PCDHA6: variants seen among roughly 807,000 people sequenced by gnomAD.
PCDHA6 encodes the protein protocadherin alpha-6.
PCDHA6 carries 55 observed loss-of-function variants against 60.3 expected under a neutral mutation model. That is an observed-to-expected ratio of 0.91 (90% CI 0.73 to 1.14). PCDHA6 has a LOEUF of 1.14. PCDHA6 is among the 50% of genes most tolerant of loss of function. PCDHA6 has a pLI of 0.00. For missense variants in PCDHA6, 1,327 were observed against 1,256.5 expected (o/e 1.06, Z -0.85); for synonymous variants, 652 against 557.9 (o/e 1.17, Z -2.38).
chr5:141,009,736 G>T lies in PCDHA6; in HGVS notation c.2652G>T (p.Leu884Phe). 1 of 1,614,086 alleles carries T rather than the reference G, an allele frequency of 6.2e-7. No homozygotes were observed. Among genetic ancestry groups the T allele is most frequent in the East Asian group, 2.2e-5 (1 of 44,872 alleles). Residue 884 changes from leucine to phenylalanine, a missense_variant, in exon 4 of 4, where the codon TTG becomes TTT. Leu to Phe is a conservative substitution (Grantham distance 22). Transcript: ENST00000529310. ...GNPKQSGPGE[L>F]PDKFIIPGSP... ...CCAAACAATCCGGTCCCGGTGAGTT[G>T]CCCGACAAATTCATTATCCCAGGAT...
intron 1 of PCDHA6, among the ~76,000 whole-genome samples, chr5:140,948,600 A>G (rs1369107358): frequency 6.6e-6 from 1 of 151,576 alleles, no homozygotes; most frequent in African/African-American, 2.4e-5. Flanking sequence ...TCAATTTATC[A>G]TATTTTTGGC....
At chr5:140,968,341 C>T in intron 1 of PCDHA6, 1 of 1,614,132 alleles carries the variant, frequency 6.2e-7, no homozygotes, top group Non-Finnish European at 8.5e-7. Context: ...TCTCCATTAA[C>T]AGTGCCAGTG....
Position 140,830,450 on chromosome 5 carries a change from G to C in PCDHA6, c.2359G>C (p.Glu787Gln), listed in dbSNP as rs2150186754. ...SPCPIMMGKA[E>Q]NQDLNEDHDA... The stretch of plus-strand genomic sequence containing the variant: ...TTGTCCTATTATGATGGGTAAGGCG[G>C]AGAATCAGGATTTAAATGAAGATCA... The change falls in exon 1 of 4, where the codon GAG (glutamate) becomes CAG (glutamine). Residue 787 changes from glutamate (E) to glutamine (Q), a missense_variant. By Grantham distance (29) the Glu-to-Gln change is conservative. Coordinates refer to ENST00000529310, the MANE Select transcript of PCDHA6 (RefSeq NM_018909.4). 3 of 1,598,530 alleles carry C rather than the reference G, an allele frequency of 1.9e-6. No individual in the cohort carries two copies. The highest frequency in any genetic ancestry group is 4.5e-5 in the East Asian group (2 of 44,466).
At chr5:140,846,601 C>T (rs1554141391) in intron 1 of PCDHA6, among the ~76,000 whole-genome samples, 1 of 148,800 alleles carries the variant, frequency 6.7e-6, no homozygotes, top group Non-Finnish European at 1.5e-5. Flanking sequence ...GTCTCGATCT[C>T]CTGACCTCCT....
intron 1 of PCDHA6, chr5:140,841,738 G>A (rs2150321831): frequency 1.9e-6 from 3 of 1,613,784 alleles, no homozygotes; most frequent in South Asian, 1.1e-5. Context: ...AAGACCAAAA[G>A]CTGTTTGTTT....
At chr5:140,941,317 C>T (rs1264351232) in intron 1 of PCDHA6, among the ~76,000 whole-genome samples, 5 of 99,210 alleles carry the variant, frequency 5.0e-5, no homozygotes, top group Admixed American at 1.1e-4. Flanking sequence ...TTTCTTCTTT[C>T]TCTTTTTTTT....
intron 1 of PCDHA6, chr5:140,843,814 GA>G (rs1158286974): frequency 7.9e-7 from 1 of 1,259,766 alleles, no homozygotes; most frequent in African/African-American, 1.5e-5. Context: ...ATTTTATAGT[GA>G]AAATTTAAAC....
At chr5:140,971,221 G>A (rs1234658755) in intron 1 of PCDHA6, among the ~76,000 whole-genome samples, 1 of 152,082 alleles carries the variant, frequency 6.6e-6, no homozygotes, top group East Asian at 1.9e-4. Flanking sequence ...TCCCTCTCCT[G>A]ACTCAAAGCT....
intron 1 of PCDHA6, chr5:140,834,869 C>G: frequency 6.2e-7 from 1 of 1,609,230 alleles, no homozygotes. Context: ...ATGCAGATAT[C>G]GGGGAGAACG....
chr5:140,998,241 T>C (rs1554256206), intron 3 of PCDHA6, among the ~76,000 whole-genome samples: 1 of 152,194 alleles, frequency 6.6e-6, no homozygotes, highest in African/African-American at 2.4e-5. Context: ...TGCATTATTA[T>C]ACTCATTTTA....
At chr5:140,858,515 C>A in intron 1 of PCDHA6, 1 of 1,416,092 alleles carries the variant, frequency 7.1e-7, no homozygotes, top group South Asian at 1.2e-5. Context: ...AAATATGTAT[C>A]AGAATATTTC....
chr5:141,000,421 ATT>A (rs34755515), intron 3 of PCDHA6, among the ~76,000 whole-genome samples: 627 of 27,724 alleles, frequency 0.023, 1 homozygote, highest in Middle Eastern at 0.071. Context: ...ATATATATAT[ATT>A]TTTTTTTTTT....
Position 140,850,434 on chromosome 5 carries a change from C to G in PCDHA6, c.2394+19949C>G, listed in dbSNP as rs2150484212. ...CGAAACGGACGCACCGCGCCAGCGC[C>G]TACTGGTGCTGGTGAAAGACCACGG... On this transcript the variant is annotated intron_variant, in intron 1 of 3. Coordinates refer to ENST00000529310, the MANE Select transcript of PCDHA6 (RefSeq NM_018909.4). 12 of 1,598,008 alleles carry G rather than the reference C, an allele frequency of 7.5e-6. No individual in the cohort carries two copies. In the Admixed American group the frequency reaches 1.9e-4, roughly 25 times the overall value.
intron 1 of PCDHA6, among the ~76,000 whole-genome samples, chr5:140,909,492 C>T (rs955748526): frequency 4.6e-5 from 7 of 152,160 alleles, no homozygotes; most frequent in East Asian, 3.9e-4. Context: ...GAGAGCTGAA[C>T]GGGGATGTGG....
intron 1 of PCDHA6, among the ~76,000 whole-genome samples, chr5:140,960,813 A>C (rs1356756058): frequency 6.6e-6 from 1 of 152,202 alleles, no homozygotes; most frequent in Non-Finnish European, 1.5e-5. Context: ...AGAGGTCCCA[A>C]GTGATGAATG....
At chr5:140,956,701 G>A (rs549659732) in intron 1 of PCDHA6, among the ~76,000 whole-genome samples, 30 of 152,256 alleles carry the variant, frequency 2.0e-4, no homozygotes, top group Admixed American at 1.4e-3. Context: ...CCATTGTTTG[G>A]AATAGCTTCA....
chr5:140,961,192 A>G (rs1322057564), intron 1 of PCDHA6, among the ~76,000 whole-genome samples: 1 of 152,170 alleles, frequency 6.6e-6, no homozygotes, highest in African/African-American at 2.4e-5. Flanking sequence ...ACAGGACCCT[A>G]GTGAGGTTGG....
At chr5:140,907,915 C>T (rs1554193177) in intron 1 of PCDHA6, among the ~76,000 whole-genome samples, 1 of 152,234 alleles carries the variant, frequency 6.6e-6, no homozygotes, top group Admixed American at 6.5e-5. Context: ...TTTGACCACT[C>T]AGAGAGGTCC....
At chr5:140,989,317 C>G (rs184467267) in intron 3 of PCDHA6, among the ~76,000 whole-genome samples, 2 of 152,126 alleles carry the variant, frequency 1.3e-5, no homozygotes, top group Non-Finnish European at 2.9e-5. Context: ...TAGGGTCTCA[C>G]CAACTTTGCC....
Sources: allele counts gnomAD v4.1 joint callset (sites outside exome capture counted in the v4.1 genomes callset), GRCh38; gene constraint gnomAD v4.1.1; transcripts MANE v1.5; gene names NCBI Gene and HGNC (gene_info 2026-07-23, HGNC 2026-07-21).